Variants in HTD2 observed in about 807,000 individuals in gnomAD.
HTD2 encodes the protein hydroxyacyl-thioester dehydratase type 2, mitochondrial.
In HTD2, 1 loss-of-function variant was observed where a neutral mutation model predicts 3.1. The observed-to-expected ratio is 0.32, with a 90% CI of 0.11 to 1.52. The LOEUF (loss-of-function observed/expected upper bound fraction) is 1.52. HTD2 is among the 40% of genes most tolerant of loss of function. The pLI is 0.39. For synonymous variants in HTD2, 50 were observed against 28.9 expected (o/e 1.73, Z -2.34); for missense variants, 150 against 79.6 (o/e 1.88, Z -3.36).
At position 58,317,832 on chromosome 3, in the gene HTD2, A is replaced by G. The variant is rs1424031076; in HGVS notation, c.219A>G (p.Ala73=). The G allele has an allele frequency of 2.8e-6, 2 of 703,092 alleles. No individual in the cohort carries two copies. The highest frequency in any genetic ancestry group is 4.0e-5 in the Admixed American group (2 of 50,018). The allele number at this position is 703,092 out of a possible 1,614,324, so 43.6% of individuals were successfully genotyped here. A position where few individuals can be genotyped will look rare whatever the true frequency, so the allele number is the denominator to read the frequency against. ...CTTTGCATTTGAATGAAGACTTTGC[A>G]AAACACACCAAGTTTGGAAATACAA... The part of the protein sequence containing the change: ...VNPLHLNEDF[A]KHTKFGNTIV... Residue 73 remains alanine (A), a synonymous_variant, in exon 5 of 5, where the codon GCA becomes GCG. Transcript: ENST00000461393.
intron 2 of HTD2, chr3:58,315,856 A>G (rs1309718931): frequency 6.6e-6 from 1 of 152,152 alleles, no homozygotes; most frequent in Non-Finnish European, 1.5e-5. Flanking sequence ...TTGTATTTTT[A>G]GTAAAAATGG....
At chr3:58,315,336 A>G (rs1323512339) in intron 2 of HTD2, among the ~76,000 whole-genome samples, 6 of 151,580 alleles carry the variant, frequency 4.0e-5, no homozygotes, top group African/African-American at 1.2e-4. Flanking sequence ...TTGAAATACT[A>G]TATATAATCT....
rs537281864 is a variant in HTD2, at chr3:58,319,203, T to A, written c.*1083T>A. ...TTTAGACTGTTCTTCAGTATCTGAG[T>A]CAGAGTTTATTGTAATTTGTTATTT... On this transcript the variant is annotated 3_prime_UTR_variant, in exon 5 of 5. Transcript: ENST00000461393. The A allele has an allele frequency of 1.3e-5, 2 of 152,322 alleles. No homozygotes were observed. The highest frequency in any genetic ancestry group is 4.1e-4 in the South Asian group (2 of 4,822). 9.4% of individuals were successfully genotyped at this position (152,322 alleles called of 1,614,324 possible). A position where few individuals can be genotyped will look rare whatever the true frequency, so the allele number is the denominator to read the frequency against.
At chr3:58,317,263 A>G (rs1247493438) in intron 4 of HTD2, among the ~76,000 whole-genome samples, 177 bp from the exon 5 acceptor site, 4 of 152,172 alleles carry the variant, frequency 2.6e-5, no homozygotes, top group Non-Finnish European at 4.4e-5. Context: ...TGTGTTATAT[A>G]TTGGTACGCT....
Position 58,319,540 on chromosome 3 carries a change from G to A in HTD2, c.*1420G>A, listed in dbSNP as rs2097492215. ...AGGGTGTCAGCCAACCTCTATTAGT[G>A]TTCTTAAGTACAGTTTCTGTTATAA... On this transcript the variant is annotated 3_prime_UTR_variant, in exon 5 of 5. Transcript: ENST00000461393. The A allele has an allele frequency of 6.6e-6, 1 of 151,710 alleles. No individual in the cohort carries two copies. The highest frequency in any genetic ancestry group is 1.5e-5 in the Non-Finnish European group (1 of 67,990). 9.4% of individuals were successfully genotyped at this position (151,710 alleles called of 1,614,324 possible). A position where few individuals can be genotyped will look rare whatever the true frequency, so the allele number is the denominator to read the frequency against.
chr3:58,307,461 T>A (rs1056641836), intron 1 of HTD2, among the ~76,000 whole-genome samples: 1 of 152,188 alleles, frequency 6.6e-6, no homozygotes, highest in Non-Finnish European at 1.5e-5. Flanking sequence ...CGGTGGCTCA[T>A]GCCTGTAATC....
rs1431679756 is a variant in HTD2, at chr3:58,318,439, CTT to C, written c.*320_*321del. 5.9e-6 allele frequency: 1 copy of C among 169,358 alleles called. No individual in the cohort carries two copies. The highest frequency in any genetic ancestry group is 2.5e-5 in the African/African-American group (1 of 39,446). The allele number at this position is 169,358 out of a possible 1,614,324, so 10.5% of individuals were successfully genotyped here. A position where few individuals can be genotyped will look rare whatever the true frequency, so the allele number is the denominator to read the frequency against. ...TTGGGAGGCTGCGGCAGGCGGATCACTTGAGGTCAGGAGTCCAAGACCAGCCT... is the reference window on the plus strand; with the variant it reads ...TTGGGAGGCTGCGGCAGGCGGATCACGAGGTCAGGAGTCCAAGACCAGCCT... On this transcript the variant is annotated 3_prime_UTR_variant, in exon 5 of 5. Coordinates refer to ENST00000461393, the MANE Select transcript of HTD2 (RefSeq NM_001348712.2).
At position 58,318,247 on chromosome 3, in the gene HTD2, C is replaced by G. The variant is rs930647183; in HGVS notation, c.*127C>G. On this transcript the variant is annotated 3_prime_UTR_variant, in exon 5 of 5. Coordinates refer to ENST00000461393, the MANE Select transcript of HTD2 (RefSeq NM_001348712.2). ...GCCCATCTTAGTTAGGGGAAGGGAG[C>G]AGGAAGAGGGTTGTTCAAATGCCCA... 1 of 576,386 alleles carries G rather than the reference C, an allele frequency of 1.7e-6. No individual in the cohort carries two copies. The highest frequency in any genetic ancestry group is 1.9e-5 in the African/African-American group (1 of 53,410). The allele number at this position is 576,386 out of a possible 1,614,324, so 35.7% of individuals were successfully genotyped here. A position where few individuals can be genotyped will look rare whatever the true frequency, so the allele number is the denominator to read the frequency against.
chr3:58,308,208 T>C (rs2097477769), intron 1 of HTD2, among the ~76,000 whole-genome samples: 1 of 152,196 alleles, frequency 6.6e-6, no homozygotes, highest in African/African-American at 2.4e-5. Context: ...AAGGATTCTT[T>C]TGAATATATA....
chr3:58,306,815 C>A (rs1476773526), intron 1 of HTD2, among the ~76,000 whole-genome samples, 164 bp downstream of exon 1: 1 of 152,044 alleles, frequency 6.6e-6, no homozygotes, highest in African/African-American at 2.4e-5. Flanking sequence ...CAGCAGTGAA[C>A]AAGATAGCAA....
intron 2 of HTD2, among the ~76,000 whole-genome samples, chr3:58,313,504 A>C (rs1235310857): frequency 6.6e-6 from 1 of 152,150 alleles, no homozygotes; most frequent in Non-Finnish European, 1.5e-5. Flanking sequence ...AAAATTTAAA[A>C]CTTTTACTCT....
intron 1 of HTD2, among the ~76,000 whole-genome samples, chr3:58,307,164 G>A (rs899424416): frequency 2.6e-5 from 4 of 152,210 alleles, no homozygotes; most frequent in Non-Finnish European, 5.9e-5. Flanking sequence ...ATTGAGCGGA[G>A]GGAGAATGGC....
chr3:58,318,553 T>G lies in HTD2; in HGVS notation c.*433T>G, dbSNP rs1000990659. Reference sequence around the variant, plus strand: ...TGTGCTTGGTGACTTGGCCCTGTAGTCCCAGTTGCTTGGGAGGCTGAGGTG... The same window carrying G: ...TGTGCTTGGTGACTTGGCCCTGTAGGCCCAGTTGCTTGGGAGGCTGAGGTG... On this transcript the variant is annotated 3_prime_UTR_variant, in exon 5 of 5. Transcript: ENST00000461393. 6.7e-6 allele frequency: 1 copy of G among 149,016 alleles called. No individual in the cohort carries two copies. Among genetic ancestry groups the G allele is most frequent in the Non-Finnish European group, 1.4e-5 (1 of 69,034 alleles). 9.2% of individuals were successfully genotyped at this position (149,016 alleles called of 1,614,324 possible). A position where few individuals can be genotyped will look rare whatever the true frequency, so the allele number is the denominator to read the frequency against.
chr3:58,310,182 A>G, intron 1 of HTD2: 2 of 662,790 alleles, frequency 3.0e-6, no homozygotes, highest in Admixed American at 2.7e-5. Context: ...ACTTCAGCCT[A>G]GGTGACAGGG....
intron 2 of HTD2, among the ~76,000 whole-genome samples, chr3:58,316,232 A>G (rs988825182): frequency 7.9e-5 from 12 of 152,218 alleles, no homozygotes; most frequent in Admixed American, 6.5e-4. Flanking sequence ...TGTCCTGTAC[A>G]AGAAAGAACA....
At chr3:58,307,748 C>T (rs1049718048) in intron 1 of HTD2, 3 of 152,164 alleles carry the variant, frequency 2.0e-5, no homozygotes, top group Non-Finnish European at 4.4e-5. Flanking sequence ...CGTGAGCCCA[C>T]ATCTGTGGAG....
intron 1 of HTD2, chr3:58,307,883 T>C (rs564337093): frequency 6.7e-6 from 1 of 150,208 alleles, no homozygotes; most frequent in Admixed American, 6.7e-5. Context: ...TTTTTTTTAA[T>C]TGCAAAAAAT....
chr3:58,319,300 G>C lies in HTD2; in HGVS notation c.*1180G>C, dbSNP rs188979970. 2 of 152,292 alleles carry C rather than the reference G, an allele frequency of 1.3e-5. No individual in the cohort carries two copies. The highest frequency in any genetic ancestry group is 2.9e-5 in the Non-Finnish European group (2 of 68,032). 9.4% of individuals were successfully genotyped at this position (152,292 alleles called of 1,614,324 possible). ...AGGGGAGGGGCGTATGTGCATCCTC[G>C]GTCTCAGTTATGTAAACGGTCTGAT... is the stretch of plus-strand genomic sequence containing the variant. On this transcript the variant is annotated 3_prime_UTR_variant, in exon 5 of 5. Coordinates refer to ENST00000461393, the MANE Select transcript of HTD2 (RefSeq NM_001348712.2).
At chr3:58,315,009 G>A (rs576005367) in intron 2 of HTD2, among the ~76,000 whole-genome samples, 4 of 152,086 alleles carry the variant, frequency 2.6e-5, no homozygotes, top group Non-Finnish European at 5.9e-5. Context: ...CAAACTAAAC[G>A]TGCATCTGCC....
Sources: gnomAD v4.1 joint callset for allele counts (sites outside exome capture counted in the v4.1 genomes callset) on GRCh38, gnomAD v4.1.1 for gene constraint, MANE v1.5 for transcripts, NCBI Gene and HGNC (gene_info 2026-07-23, HGNC 2026-07-21) for gene names.